GALNTL6: variants seen among roughly 807,000 people sequenced by gnomAD.
GALNTL6 encodes polypeptide N-acetylgalactosaminyltransferase-like 6.
A neutral mutation model predicts 73.7 loss-of-function variants in GALNTL6; 46 were observed. The observed-to-expected ratio is 0.62, with a 90% CI of 0.49 to 0.80. The LOEUF (loss-of-function observed/expected upper bound fraction) is 0.80. GALNTL6 is among the 30% of genes least tolerant of loss of function. The pLI is 0.00. For synonymous variants in GALNTL6, 259 were observed against 263.7 expected, an observed-to-expected ratio of 0.98 and a Z score of 0.17; for missense variants, 604 against 755.0, an observed-to-expected ratio of 0.80 and a Z score of 2.34.
intron 2 of GALNTL6, among the ~76,000 whole-genome samples, chr4:172,056,278 A>G (rs1013716453): frequency 2.0e-5 from 3 of 152,190 alleles, no homozygotes; most frequent in South Asian, 4.1e-4. Context: ...TGCCAAAAGC[A>G]TAATTTTCTT....
At chr4:172,848,505 GAATA>G (rs1364995896) in intron 7 of GALNTL6, among the ~76,000 whole-genome samples, 6 of 152,160 alleles carry the variant, frequency 3.9e-5, no homozygotes, top group Admixed American at 6.6e-5. Flanking sequence ...CTGGATGAAT[GAATA>G]GACAGGGGAA....
At chr4:172,803,650 G>T (rs1740789496) in intron 5 of GALNTL6, among the ~76,000 whole-genome samples, 1 of 152,142 alleles carries the variant, frequency 6.6e-6, no homozygotes, top group South Asian at 2.1e-4. Flanking sequence ...GCCTGTAATG[G>T]TTTGATCCAT....
At chr4:172,631,213 C>T (rs983942825) in intron 5 of GALNTL6, among the ~76,000 whole-genome samples, 3 of 151,776 alleles carry the variant, frequency 2.0e-5, no homozygotes, top group South Asian at 4.2e-4. Context: ...ATGATCTCGG[C>T]TCACTGCAAC....
chr4:173,004,333 A>G (rs1752178101), intron 10 of GALNTL6, among the ~76,000 whole-genome samples: 1 of 152,148 alleles, frequency 6.6e-6, no homozygotes, highest in Non-Finnish European at 1.5e-5. Context: ...TCTAAAATCA[A>G]CTATAGTCCA....
At chr4:172,478,961 G>T (rs1244882198) in intron 5 of GALNTL6, among the ~76,000 whole-genome samples, 2 of 152,190 alleles carry the variant, frequency 1.3e-5, no homozygotes, top group African/African-American at 4.8e-5. Flanking sequence ...ACCACAGTGA[G>T]ATACCACCTT....
At chr4:171,946,368 A>G (rs962361947) in intron 2 of GALNTL6, among the ~76,000 whole-genome samples, 3 of 152,178 alleles carry the variant, frequency 2.0e-5, no homozygotes, top group Admixed American at 6.6e-5. Context: ...ACCTGTGACA[A>G]TATTGTCTAG....
At chr4:172,387,100 C>A in intron 5 of GALNTL6, among the ~76,000 whole-genome samples, 1 of 151,972 alleles carries the variant, frequency 6.6e-6, no homozygotes, top group East Asian at 1.9e-4. Context: ...TCCTGAGGGC[C>A]CCACCCTCAT....
intron 2 of GALNTL6, among the ~76,000 whole-genome samples, chr4:171,824,766 C>A (rs1022818504): frequency 5.3e-5 from 8 of 152,010 alleles, no homozygotes; most frequent in African/African-American, 1.9e-4. Flanking sequence ...TCCATCAATG[C>A]CTCTTGATAT....
intron 7 of GALNTL6, among the ~76,000 whole-genome samples, chr4:172,871,296 C>G (rs1243816046): frequency 6.6e-6 from 1 of 152,082 alleles, no homozygotes; most frequent in Non-Finnish European, 1.5e-5. Context: ...GGCCTCCCCA[C>G]AAGTTGAACA....
chr4:171,997,051 T>C (rs1234835777), intron 2 of GALNTL6, among the ~76,000 whole-genome samples: 2 of 152,146 alleles, frequency 1.3e-5, no homozygotes, highest in East Asian at 3.9e-4. Flanking sequence ...AGAAAGAACA[T>C]TGTATTTGTC....
chr4:172,658,661 G>T (rs1273884196), intron 5 of GALNTL6, among the ~76,000 whole-genome samples: 2 of 152,040 alleles, frequency 1.3e-5, no homozygotes, highest in Non-Finnish European at 2.9e-5. Flanking sequence ...ACTGCTTGTG[G>T]GTGTTGAATC....
chr4:172,160,179 C>T (rs1012299459), intron 2 of GALNTL6, among the ~76,000 whole-genome samples: 5 of 151,378 alleles, frequency 3.3e-5, no homozygotes, highest in African/African-American at 7.3e-5. Flanking sequence ...TGTGCGTGTG[C>T]GTGTGTGGCC....
intron 5 of GALNTL6, among the ~76,000 whole-genome samples, chr4:172,519,862 T>C (rs906662640): frequency 6.6e-6 from 1 of 151,730 alleles, no homozygotes; most frequent in African/African-American, 2.4e-5. Context: ...AAATGTCACA[T>C]GTAGAAAATA....
rs907840009 is a variant in GALNTL6, at chr4:172,165,375, C to T, written c.139-64281C>T. ...TGCCACACAGTTAATAAGAAGTACA[C>T]TAGAAGCAGAAACCACTATTTTATT... On this transcript the variant is annotated intron_variant, in intron 2 of 12. Coordinates refer to ENST00000506823, the MANE Select transcript of GALNTL6 (RefSeq NM_001034845.3). Among the ~76,000 whole-genome samples the T allele has an allele frequency of 3.9e-5, 6 of 152,078 alleles. 1 individual carries two copies. Among genetic ancestry groups the T allele is most frequent in the African/African-American group, 1.4e-4 (6 of 41,436 alleles).
chr4:172,342,506 TTA>T (rs1273004352), intron 4 of GALNTL6, among the ~76,000 whole-genome samples: 1 of 151,796 alleles, frequency 6.6e-6, no homozygotes, highest in Non-Finnish European at 1.5e-5. Flanking sequence ...GTAAAATAAT[TTA>T]TGTTTAACTC....
At chr4:172,664,150 C>T (rs1731535121) in intron 5 of GALNTL6, among the ~76,000 whole-genome samples, 1 of 152,096 alleles carries the variant, frequency 6.6e-6, no homozygotes, top group Admixed American at 6.6e-5. Context: ...GAGAATGTTC[C>T]CGTATTAAAT....
intron 2 of GALNTL6, among the ~76,000 whole-genome samples, chr4:172,187,661 A>G (rs1246390740): frequency 4.6e-5 from 7 of 152,166 alleles, no homozygotes; most frequent in Non-Finnish European, 1.0e-4. Flanking sequence ...TTTAGGGGCT[A>G]AAAGTTCATT....
chr4:172,480,535 A>G (rs1267339585), intron 5 of GALNTL6, among the ~76,000 whole-genome samples: 1 of 152,232 alleles, frequency 6.6e-6, no homozygotes, highest in East Asian at 1.9e-4. Context: ...GGGATCATAC[A>G]GATAAAAAGG....
intron 5 of GALNTL6, among the ~76,000 whole-genome samples, chr4:172,680,855 C>G (rs533592157): frequency 2.9e-4 from 44 of 152,276 alleles, no homozygotes; most frequent in Admixed American, 2.6e-3. Flanking sequence ...GGTTACAAAA[C>G]AGTAATCAGT....
Sources: gnomAD v4.1 joint callset for allele counts (sites outside exome capture counted in the v4.1 genomes callset) on GRCh38, gnomAD v4.1.1 for gene constraint, MANE v1.5 for transcripts, NCBI Gene and HGNC (gene_info 2026-07-23, HGNC 2026-07-21) for gene names.